Variants in RABGEF1 observed in about 807,000 individuals in gnomAD.
The protein encoded by RABGEF1 is RAB guanine nucleotide exchange factor 1.
In RABGEF1, 26 loss-of-function variants were observed where a neutral mutation model predicts 57.3. The ratio of observed to expected loss-of-function variants is 0.45; its 90% CI spans 0.33 to 0.63. The LOEUF is 0.63. Among genes scored for constraint, RABGEF1 ranks in the 20% least tolerant of loss-of-function variants. The pLI is 0.02. For synonymous variants in RABGEF1, 185 were observed against 210.7 expected, an observed-to-expected ratio of 0.88 and a Z score of 1.06; for missense variants, 464 against 607.6, an observed-to-expected ratio of 0.76 and a Z score of 2.48.
At chr7:66,799,022 G>C (rs2129178828) in intron 6 of RABGEF1, among the ~76,000 whole-genome samples, 1 of 152,328 alleles carries the variant, frequency 6.6e-6, no homozygotes, top group South Asian at 2.1e-4. Context: ...ACAGGCAGCA[G>C]CCAATTCTCA....
At chr7:66,671,956 A>G in the RABGEF1 span, among the ~76,000 whole-genome samples, 1 of 151,930 alleles carries the variant, frequency 6.6e-6, no homozygotes, top group Non-Finnish European at 1.5e-5. Context: ...AGCTGGGAAT[A>G]GAGGTGCACA....
At chr7:66,730,916 T>C (rs1562747012) in intron 2 of RABGEF1, among the ~76,000 whole-genome samples, 3 of 152,110 alleles carry the variant, frequency 2.0e-5, no homozygotes, top group Admixed American at 1.3e-4. Flanking sequence ...TAGCCCCACT[T>C]TTCAGAGGGA....
chr7:66,750,002 A>G (rs1004934705), intron 1 of RABGEF1, among the ~76,000 whole-genome samples: 16 of 152,150 alleles, frequency 1.1e-4, no homozygotes, highest in African/African-American at 3.9e-4. Context: ...CTACAGAATA[A>G]TGAAATAGAA....
intron 1 of RABGEF1, among the ~76,000 whole-genome samples, chr7:66,682,524 G>T (rs569245247): frequency 4.5e-4 from 69 of 152,332 alleles, no homozygotes; most frequent in African/African-American, 1.5e-3. Flanking sequence ...TGCCCCGACG[G>T]CCTGACCTGG....
At position 66,797,306 on chromosome 7, in the gene RABGEF1, C is replaced by CAAA. The variant is rs368106136; in HGVS notation, c.596-55_596-53dup. On this transcript the variant is annotated intron_variant, in intron 5 of 8. Transcript: ENST00000284957. ...GCGACAGAGCCAGACTCTTTGTTTG[C>CAAA]AAAAAAAAAAAAAAAGAGAGAGAAA... is the stretch of plus-strand genomic sequence containing the variant. The CAAA allele has an allele frequency of 5.7e-3, 5,547 of 969,664 alleles. 37 individuals carry two copies. Among genetic ancestry groups the CAAA allele is most frequent in the East Asian group, 8.1e-3 (195 of 23,976 alleles). The allele number at this position is 969,664 out of a possible 1,614,324, so 60.1% of individuals were successfully genotyped here. A position where few individuals can be genotyped will look rare whatever the true frequency, so the allele number is the denominator to read the frequency against.
chr7:66,760,798 C>T (rs1431618750), intron 1 of RABGEF1, among the ~76,000 whole-genome samples: 20 of 151,826 alleles, frequency 1.3e-4, no homozygotes, highest in Admixed American at 1.3e-3. Flanking sequence ...GATTTTTGAA[C>T]ATTTTTAAAT....
chr7:66,735,106 C>T (rs1410929898), intron 2 of RABGEF1, among the ~76,000 whole-genome samples: 11 of 152,130 alleles, frequency 7.2e-5, no homozygotes, highest in Admixed American at 7.2e-4. Context: ...TAAGTTTTAA[C>T]TTTATAATCT....
chr7:66,718,609 C>A (rs184409798), intron 2 of RABGEF1, among the ~76,000 whole-genome samples: 11 of 152,204 alleles, frequency 7.2e-5, no homozygotes, highest in African/African-American at 2.6e-4. Flanking sequence ...CAAGCTGCAA[C>A]TTCCTACCTG....
intron 1 of RABGEF1, among the ~76,000 whole-genome samples, chr7:66,764,809 C>T (rs1281332484): frequency 2.0e-5 from 3 of 152,142 alleles, no homozygotes; most frequent in Non-Finnish European, 2.9e-5. Flanking sequence ...AATTCTATTC[C>T]GTTGATTTCT....
At chr7:66,659,914 GA>G in the RABGEF1 span, among the ~76,000 whole-genome samples, 1 of 151,384 alleles carries the variant, frequency 6.6e-6, no homozygotes, top group Non-Finnish European at 1.5e-5. Flanking sequence ...GATTAGAGTG[GA>G]AATAAATAAA....
intron 3 of RABGEF1, among the ~76,000 whole-genome samples, chr7:66,781,769 C>T (rs1270131236): frequency 6.6e-6 from 1 of 152,206 alleles, no homozygotes; most frequent in African/African-American, 2.4e-5. Context: ...CATGCAAATT[C>T]TGGTCACATT....
At chr7:66,693,887 A>G (rs1242073690) in intron 1 of RABGEF1, among the ~76,000 whole-genome samples, 1 of 150,470 alleles carries the variant, frequency 6.6e-6, no homozygotes. Flanking sequence ...GGCTCACCGT[A>G]ACCTCCGCCT....
At chr7:66,711,904 G>A (rs1191092850) in intron 1 of RABGEF1, among the ~76,000 whole-genome samples, 2 of 152,064 alleles carry the variant, frequency 1.3e-5, no homozygotes, top group Non-Finnish European at 1.5e-5. Context: ...CTATTCTTTT[G>A]CATTGATGTA....
intron 7 of RABGEF1, among the ~76,000 whole-genome samples, chr7:66,802,606 C>A (rs116291893): frequency 2.6e-5 from 4 of 152,162 alleles, no homozygotes; most frequent in African/African-American, 9.7e-5. Flanking sequence ...CTAGTTGAGA[C>A]TTTGAAGCAG....
At chr7:66,736,358 G>A (rs924116615), upstream of RABGEF1, among the ~76,000 whole-genome samples, 28 of 152,318 alleles carry the variant, frequency 1.8e-4, no homozygotes, top group Admixed American at 1.7e-3. Context: ...AGGTAGAGGT[G>A]GTGATGGATA....
At chr7:66,747,397 C>G (rs1267109397) in intron 1 of RABGEF1, among the ~76,000 whole-genome samples, 1 of 152,144 alleles carries the variant, frequency 6.6e-6, no homozygotes, top group Non-Finnish European at 1.5e-5. Context: ...ATCCTCTATG[C>G]TAGGCACAGA....
chr7:66,667,092 G>A, the RABGEF1 span, among the ~76,000 whole-genome samples: 1 of 152,214 alleles, frequency 6.6e-6, no homozygotes, highest in Admixed American at 6.5e-5. Flanking sequence ...TGGTGGAGGG[G>A]ATTTGAAATA....
chr7:66,756,960 TCA>T (rs1416107580), intron 1 of RABGEF1, among the ~76,000 whole-genome samples: 1 of 152,196 alleles, frequency 6.6e-6, no homozygotes, highest in African/African-American at 2.4e-5. Flanking sequence ...GTTCTTGTGT[TCA>T]CAGTCTTCTA....
chr7:66,808,218 CT>C lies in RABGEF1; in HGVS notation c.1078-654del, dbSNP rs558669043. 2.0e-3 allele frequency among the ~76,000 whole-genome samples: 288 copies of C among 142,146 alleles called. 3 individuals are homozygous for C. Among genetic ancestry groups the C allele is most frequent in the South Asian group, 0.017 (75 of 4,460 alleles). 93.3% of individuals were successfully genotyped at this position (142,146 alleles called of 152,430 possible). ...AGGTTCAGTCACTTCAGAGTTGTTC[CT>C]TTTTTTTTTTTTTCCTGAGACAGTC... On this transcript the variant is annotated intron_variant, in intron 8 of 8. Transcript: ENST00000284957.
Sources: gnomAD v4.1 joint callset for allele counts (sites outside exome capture counted in the v4.1 genomes callset) on GRCh38, gnomAD v4.1.1 for gene constraint, MANE v1.5 for transcripts, NCBI Gene and HGNC (gene_info 2026-07-23, HGNC 2026-07-21) for gene names.